ZMAT4: variants seen among roughly 807,000 people sequenced by gnomAD.
The protein encoded by ZMAT4 is zinc finger matrin-type protein 4.
In ZMAT4, 17 loss-of-function variants were observed where a neutral mutation model predicts 28.7. The ratio of observed to expected loss-of-function variants is 0.59; its 90% confidence interval spans 0.41 to 0.89. The LOEUF is 0.89. Among genes scored for constraint, ZMAT4 ranks in the 40% least tolerant of loss-of-function variants. The pLI is 0.00. For missense variants in ZMAT4, 240 were observed against 283.8 expected (o/e 0.85, Z 1.11); for synonymous variants, 117 against 109.2 (o/e 1.07, Z -0.44).
At chr8:40,830,184 C>T (rs534659882) in intron 1 of ZMAT4, among the ~76,000 whole-genome samples, 11 of 152,238 alleles carry the variant, frequency 7.2e-5, no homozygotes, top group South Asian at 6.2e-4. Flanking sequence ...GAGTCATATT[C>T]TTTTTAAATT....
intron 1 of ZMAT4, among the ~76,000 whole-genome samples, chr8:40,860,934 G>A (rs1178246466): frequency 1.3e-5 from 2 of 152,184 alleles, no homozygotes; most frequent in African/African-American, 4.8e-5. Flanking sequence ...CTTCCCAGGA[G>A]AAGTGGTGGG....
At chr8:40,828,731 G>T (rs35019884) in intron 1 of ZMAT4, among the ~76,000 whole-genome samples, 1 of 152,000 alleles carries the variant, frequency 6.6e-6, no homozygotes, top group Non-Finnish European at 1.5e-5. Context: ...GAGGCAATTA[G>T]TGGACAAGTG....
chr8:40,612,525 T>A (rs1367618612), intron 5 of ZMAT4, among the ~76,000 whole-genome samples: 2 of 137,736 alleles, frequency 1.5e-5, no homozygotes, highest in Non-Finnish European at 3.4e-5. Flanking sequence ...TTCTTGCTCT[T>A]ATCTTGTCAC....
intron 1 of ZMAT4, among the ~76,000 whole-genome samples, chr8:40,883,208 G>A (rs1818341310): frequency 6.6e-6 from 1 of 152,188 alleles, no homozygotes; most frequent in Non-Finnish European, 1.5e-5. Flanking sequence ...GGGCAGAGCA[G>A]TCTCCACAAA....
chr8:40,879,725 T>C (rs571890998), intron 1 of ZMAT4, among the ~76,000 whole-genome samples: 1 of 152,340 alleles, frequency 6.6e-6, no homozygotes, highest in African/African-American at 2.4e-5. Flanking sequence ...ACAAAAATCA[T>C]CAATCATCTT....
intron 1 of ZMAT4, among the ~76,000 whole-genome samples, chr8:40,890,119 T>C (rs934542012): frequency 6.6e-6 from 1 of 152,262 alleles, no homozygotes. Context: ...TTACTTCTTT[T>C]GTTATGTGAA....
At chr8:40,816,531 G>A (rs1025269221) in intron 2 of ZMAT4, among the ~76,000 whole-genome samples, 6 of 152,274 alleles carry the variant, frequency 3.9e-5, no homozygotes, top group Admixed American at 1.3e-4. Context: ...CAGGTGGGTA[G>A]TAAATGGGGA....
intron 6 of ZMAT4, among the ~76,000 whole-genome samples, chr8:40,532,871 G>C (rs565847219): frequency 6.6e-6 from 1 of 151,946 alleles, no homozygotes; most frequent in Admixed American, 6.6e-5. Flanking sequence ...TAGCATGCCT[G>C]TAGTCCCAGC....
chr8:40,668,492 GAAAAAAGAAA>G (rs1808535436), intron 5 of ZMAT4, among the ~76,000 whole-genome samples: 1 of 135,910 alleles, frequency 7.4e-6, no homozygotes, highest in Non-Finnish European at 1.6e-5. Context: ...AAAAAGAAAA[GAAAAAAGAAA>G]AAAAAAGAAA....
At chr8:40,828,780 AAG>A (rs1410777323) in intron 1 of ZMAT4, among the ~76,000 whole-genome samples, 1 of 152,066 alleles carries the variant, frequency 6.6e-6, no homozygotes, top group Non-Finnish European at 1.5e-5. Context: ...CCTCCAGAAA[AAG>A]AGAGCGCAGT....
intron 6 of ZMAT4, among the ~76,000 whole-genome samples, chr8:40,553,290 A>T (rs1235979608): frequency 6.6e-6 from 1 of 152,184 alleles, no homozygotes; most frequent in Non-Finnish European, 1.5e-5. Flanking sequence ...CCTGATTCAC[A>T]GTAACTATGA....
intron 1 of ZMAT4, among the ~76,000 whole-genome samples, chr8:40,834,065 C>T (rs1005653061): frequency 6.6e-6 from 1 of 152,324 alleles, no homozygotes; most frequent in Admixed American, 6.5e-5. Flanking sequence ...CTTTTAATGG[C>T]ACCATTTTCT....
intron 1 of ZMAT4, among the ~76,000 whole-genome samples, chr8:40,840,016 G>A (rs1816646755): frequency 6.6e-6 from 1 of 152,200 alleles, no homozygotes; most frequent in African/African-American, 2.4e-5. Context: ...CCAAGTCAGT[G>A]GGCTGTGAGA....
intron 3 of ZMAT4, among the ~76,000 whole-genome samples, chr8:40,725,431 T>C (rs959736697): frequency 3.9e-5 from 6 of 152,190 alleles, no homozygotes; most frequent in Non-Finnish European, 5.9e-5. Context: ...CAGAGTCCAC[T>C]AAAGTCCTGG....
intron 5 of ZMAT4, among the ~76,000 whole-genome samples, chr8:40,600,953 C>T (rs1473540778): frequency 6.6e-6 from 1 of 152,156 alleles, no homozygotes; most frequent in Non-Finnish European, 1.5e-5. Context: ...CCATCCACAC[C>T]TGAACTCTTA....
At chr8:40,893,252 C>G (rs58840123) in intron 1 of ZMAT4, among the ~76,000 whole-genome samples, 1 of 152,126 alleles carries the variant, frequency 6.6e-6, no homozygotes, top group East Asian at 1.9e-4. Context: ...ATGGCCCGCA[C>G]GAGAGGATGC....
intron 2 of ZMAT4, among the ~76,000 whole-genome samples, chr8:40,807,136 GACA>G (rs771393597): frequency 0.012 from 852 of 68,942 alleles, 12 homozygotes; most frequent in African/African-American, 0.033. Context: ...GTGGGGTGAG[GACA>G]AAAAAAAAAA....
chr8:40,583,005 A>G (rs1432978244), intron 5 of ZMAT4, among the ~76,000 whole-genome samples: 1 of 152,182 alleles, frequency 6.6e-6, no homozygotes, highest in African/African-American at 2.4e-5. Flanking sequence ...CTGACCACTC[A>G]CCACCAGTAC....
intron 3 of ZMAT4, among the ~76,000 whole-genome samples, chr8:40,724,255 T>TG (rs1341969279): frequency 6.6e-6 from 1 of 151,896 alleles, no homozygotes; most frequent in Non-Finnish European, 1.5e-5. Context: ...CAAAATTGGA[T>TG]GGGGAAAAAG....
Sources: allele counts gnomAD v4.1 joint callset (sites outside exome capture counted in the v4.1 genomes callset), GRCh38; gene constraint gnomAD v4.1.1; transcripts MANE v1.5; gene names NCBI Gene and HGNC (gene_info 2026-07-23, HGNC 2026-07-21).